The following MAPKBP1 variants were observed in gnomAD, a reference collection of about 807,000 sequenced individuals.
MAPKBP1 encodes the protein mitogen-activated protein kinase binding protein 1, also known as mitogen-activated protein kinase-binding protein 1.
In MAPKBP1, 71 loss-of-function variants were observed where a neutral mutation model predicts 170.5. The ratio of observed to expected loss-of-function variants is 0.42; its 90% confidence interval spans 0.34 to 0.51. The LOEUF is 0.51. Among genes scored for constraint, MAPKBP1 ranks in the 20% least tolerant of loss-of-function variants. The probability of loss-of-function intolerance (pLI) is 0.06; values close to 1 mark genes in which losing one functional copy is unlikely to be tolerated. For synonymous variants in MAPKBP1, 719 were observed against 757.9 expected, an observed-to-expected ratio of 0.95 and a Z score of 0.84; for missense variants, 1,598 against 1,933.0, an observed-to-expected ratio of 0.83 and a Z score of 3.25.
chr15:41,821,918 C>A, intron 24 of MAPKBP1, 47 bp from the exon 25 acceptor site: 1 of 1,596,564 alleles, frequency 6.3e-7, no homozygotes, highest in East Asian at 2.3e-5. Flanking sequence ...GGGCTGCTGC[C>A]TACCCCTGCT....
At chr15:41,821,192 C>A in intron 23 of MAPKBP1, 124 bp downstream of exon 23, 1 of 913,632 alleles carries the variant, frequency 1.1e-6, no homozygotes, top group Non-Finnish European at 1.7e-6. Flanking sequence ...CATGGGTAAC[C>A]TGAACTGCAA....
chr15:41,814,813 A>G (rs2064862933), intron 10 of MAPKBP1, 74 bp downstream of exon 10: 3 of 1,526,300 alleles, frequency 2.0e-6, no homozygotes, highest in Non-Finnish European at 2.7e-6. Flanking sequence ...GAAAATAGGG[A>G]TCCCCAAGTA....
In MAPKBP1 at chr15:41,817,573, GC is replaced by G; in HGVS notation, c.1783-40del. The stretch of plus-strand genomic sequence containing the variant: ...AGTAGGGCTCTTGGGGCCTGGTGAG[GC>G]ATTTGGGTGTGGGCCTGCCCACATG... On this transcript the variant is annotated intron_variant, in intron 15 of 30. Transcript: ENST00000457542. This position sits in a 1 kb window ranked among gnomAD's most constrained non-coding sequence, Gnocchi z 4.2. 6.2e-7 allele frequency: 1 copy of G among 1,613,902 alleles called. No homozygotes were observed.
At position 41,816,914 on chromosome 15, in the gene MAPKBP1, G is replaced by A; in HGVS notation, c.1590G>A (p.Leu530=). 1.2e-6 allele frequency: 2 copies of A among 1,606,690 alleles called. No individual in the cohort carries two copies. Among genetic ancestry groups the A allele is most frequent in the Non-Finnish European group, 1.7e-6 (2 of 1,175,466 alleles). ...CLEYSKPDTG[L]KLLASASRDR... is the part of the protein sequence containing the mutation. ...ATGGAGTTCTTTCATCCCCAGGTCTGAAACTGCTAGCATCGGCGAGCCGGG... is the reference window on the plus strand; with the variant it reads ...ATGGAGTTCTTTCATCCCCAGGTCTAAAACTGCTAGCATCGGCGAGCCGGG... Residue 530 remains leucine, a synonymous_variant, in exon 14 of 31, where the codon CTG becomes CTA. Coordinates refer to ENST00000457542, the MANE Select transcript of MAPKBP1 (RefSeq NM_014994.3).
At chr15:41,779,469 A>T (rs1050929852) in intron 2 of MAPKBP1, among the ~76,000 whole-genome samples, 3 of 151,994 alleles carry the variant, frequency 2.0e-5, no homozygotes, top group African/African-American at 7.3e-5. Flanking sequence ...TCAGCCTCCC[A>T]AAGTGCTGGG....
chr15:41,820,732 A>C (rs2064980719), intron 22 of MAPKBP1, 100 bp from the exon 23 acceptor site: 2 of 807,640 alleles, frequency 2.5e-6, no homozygotes, highest in Non-Finnish European at 4.1e-6. Context: ...GTAAGCTAGT[A>C]TGTGTAGTGT....
At position 41,823,207 on chromosome 15, in the gene MAPKBP1, A is replaced by C. The variant is rs750111850; in HGVS notation, c.3583A>C (p.Ser1195Arg). 1 of 1,613,248 alleles carries C rather than the reference A, an allele frequency of 6.2e-7. No homozygotes were observed. Among genetic ancestry groups the C allele is most frequent in the Non-Finnish European group, 8.5e-7 (1 of 1,179,756 alleles). The change falls in exon 28 of 31, where the codon AGT (serine) becomes CGT (arginine). Residue 1195 changes from serine to arginine, a missense_variant. This residue lies in a region of MAPKBP1 where 942 missense variants were observed against 953.2 expected (regional missense o/e 0.99). Coordinates refer to ENST00000457542, the MANE Select transcript of MAPKBP1 (RefSeq NM_014994.3). Reference sequence around the variant, plus strand: ...ACTCCAGAAGGCCCAGTCTGTGCACAGTCTGGTGCCACAGGGTGAGAAGCC... The same window carrying C: ...ACTCCAGAAGGCCCAGTCTGTGCACCGTCTGGTGCCACAGGGTGAGAAGCC... ...SGLQKAQSVH[S>R]LVPQERHEAS...
intron 3 of MAPKBP1, among the ~76,000 whole-genome samples, chr15:41,807,274 GAGA>G (rs1292107881): frequency 6.6e-6 from 1 of 152,152 alleles, no homozygotes; most frequent in Non-Finnish European, 1.5e-5. Context: ...CTGAACATAG[GAGA>G]AGGAGGAAAC....
At position 41,810,833 on chromosome 15, in the gene MAPKBP1, T is replaced by A. The variant is rs1567147329; in HGVS notation, c.207-50T>A. ...AGTCCTGGGTGGCCTGGAGGGCTCC[T>A]GGGGGAGCTGTGGTTTGCTGCTGAG... is the stretch of plus-strand genomic sequence containing the variant. On this transcript the variant is annotated intron_variant, in intron 3 of 30. Transcript: ENST00000457542. The A allele has an allele frequency of 2.5e-6, 4 of 1,577,646 alleles. 1 individual carries two copies. In the Admixed American group the frequency reaches 6.7e-5, roughly 26 times the overall value.
chr15:41,816,328 A>G (rs990387948), intron 12 of MAPKBP1: 5 of 555,960 alleles, frequency 9.0e-6, no homozygotes, highest in African/African-American at 5.6e-5. Context: ...ATAGTATTAT[A>G]CCAACATAAA....
At chr15:41,803,716 TA>T (rs1415933106) in intron 3 of MAPKBP1, among the ~76,000 whole-genome samples, 2 of 151,950 alleles carry the variant, frequency 1.3e-5, no homozygotes, top group Non-Finnish European at 2.9e-5. Context: ...CCCTGCCTCT[TA>T]AAAAAACCAA....
At chr15:41,785,287 A>T (rs2064264378) in intron 2 of MAPKBP1, among the ~76,000 whole-genome samples, 1 of 152,082 alleles carries the variant, frequency 6.6e-6, no homozygotes. Flanking sequence ...TATCTTCAGT[A>T]CCTTTTTCTT....
chr15:41,827,796 T>G lies in MAPKBP1; in HGVS notation c.*2360T>G. On this transcript the variant is annotated 3_prime_UTR_variant, in exon 31 of 31. Coordinates refer to ENST00000457542, the MANE Select transcript of MAPKBP1 (RefSeq NM_014994.3). ...CGGCTGCATGGGGCGGGGGCGCTGT[T>G]TTTAACGTGCCCGTTTGTACTGATG... 3 of 263,590 alleles carry G rather than the reference T, an allele frequency of 1.1e-5. No homozygotes were observed. The highest frequency in any genetic ancestry group is 2.1e-5 in the Non-Finnish European group (3 of 139,608). The allele number at this position is 263,590 out of a possible 1,614,324, so 16.3% of individuals were successfully genotyped here. A position where few individuals can be genotyped will look rare whatever the true frequency, so the allele number is the denominator to read the frequency against.
intron 3 of MAPKBP1, among the ~76,000 whole-genome samples, chr15:41,804,056 T>A (rs371894511): frequency 2.0e-4 from 30 of 152,318 alleles, no homozygotes; most frequent in African/African-American, 7.2e-4. Context: ...GTCAGGCTGG[T>A]CTCAAACTCC....
In MAPKBP1 at chr15:41,824,535, G is replaced by A. The variant is rs143368521; in HGVS notation, c.4265G>A (p.Gly1422Asp). The part of the protein sequence containing the change: ...QCEQLVAELR[G>D]SVRQAVRLYH... Reference sequence around the variant, plus strand: ...GAGCAGCTGGTGGCAGAGCTCCGCGGCAGCGTGCGCCAGGCAGTGCGGCTC... The same window carrying A: ...GAGCAGCTGGTGGCAGAGCTCCGCGACAGCGTGCGCCAGGCAGTGCGGCTC... The change falls in exon 30 of 31, where the codon GGC (glycine) becomes GAC (aspartate). Residue 1422 changes from glycine to aspartate, a missense_variant. Physicochemically the swap from Gly to Asp is moderately conservative, Grantham distance 94. This residue lies in a region of MAPKBP1 where 942 missense variants were observed against 953.2 expected (regional missense o/e 0.99). Transcript: ENST00000457542. 2.6e-3 allele frequency: 4,203 copies of A among 1,602,890 alleles called. 12 individuals carry two copies. Among genetic ancestry groups the A allele is most frequent in the Non-Finnish European group, 3.0e-3 (3,571 of 1,175,654 alleles).
rs533331286 is a variant in MAPKBP1 at position 41,802,671 on chromosome 15, G to A, written c.206+2757G>A. ...GTATTTTTAGTAGAGATGGGGTTTC[G>A]CCATGTTGGCCAGGCTGGTCTTGAA... On this transcript the variant is annotated intron_variant, in intron 3 of 30. Coordinates refer to ENST00000457542, the MANE Select transcript of MAPKBP1 (RefSeq NM_014994.3). Among the ~76,000 whole-genome samples, 189 of 152,138 alleles carry A rather than the reference G, an allele frequency of 1.2e-3. 1 individual carries two copies. Among genetic ancestry groups the A allele is most frequent in the African/African-American group, 4.4e-3 (182 of 41,508 alleles).
Position 41,823,239 on chromosome 15 carries a change from G to A in MAPKBP1, c.3598+17G>A. On this transcript the variant is annotated intron_variant, in intron 28 of 30. Transcript: ENST00000457542. ...TGCCACAGGGTGAGAAGCCTGATGG[G>A]TTCAGTGCCAGGGTGCAGGGTGTAT... The A allele has an allele frequency of 3.7e-6, 6 of 1,609,446 alleles. No individual in the cohort carries two copies. Among genetic ancestry groups the A allele is most frequent in the Non-Finnish European group, 5.1e-6 (6 of 1,177,556 alleles).
intron 2 of MAPKBP1, among the ~76,000 whole-genome samples, chr15:41,796,143 G>A (rs183123127): frequency 1.8e-4 from 28 of 152,286 alleles, no homozygotes; most frequent in Admixed American, 1.5e-3. Flanking sequence ...GTCGTCCTGC[G>A]GTGGTGATTT....
Position 41,817,439 on chromosome 15 carries a change from A to G in MAPKBP1, c.1763A>G (p.Tyr588Cys). 1 of 1,612,960 alleles carries G rather than the reference A, an allele frequency of 6.2e-7. No homozygotes were observed. The highest frequency in any genetic ancestry group is 2.2e-5 in the East Asian group (1 of 44,802). ...AGCTGTGGAGCAGACAAGAGCATCT[A>G]CTTCCGCACTGCGCAGAAGGTGAGG... ...MISCGADKSI[Y>C]FRTAQKSGDG... The change falls in exon 15 of 31, where the codon TAC becomes TGC. Residue 588 changes from tyrosine to cysteine, a missense_variant. This residue lies in a region of MAPKBP1 where 430 missense variants were observed against 617.2 expected (regional missense o/e 0.70). Transcript: ENST00000457542. This position sits in a 1 kb window ranked among gnomAD's most constrained non-coding sequence, Gnocchi z 4.2.
Sources: gnomAD v4.1 joint callset for allele counts (sites outside exome capture counted in the v4.1 genomes callset) on GRCh38, gnomAD v4.1.1 for gene constraint, gnomAD v4.1.1 regional missense constraint, Gnocchi (gnomAD v3.1) non-coding constraint, MANE v1.5 for transcripts, NCBI Gene and HGNC (gene_info 2026-07-23, HGNC 2026-07-21) for gene names.